RAP1GDS1: variants seen among roughly 807,000 people sequenced by gnomAD.
RAP1GDS1 encodes RAP1, GTP-GDP dissociation stimulator 1.
In RAP1GDS1, 35 loss-of-function variants were observed where a neutral mutation model predicts 71.1. The observed-to-expected ratio is 0.49, with a 90% CI of 0.38 to 0.65. The LOEUF (loss-of-function observed/expected upper bound fraction) is 0.65, where lower values mean the gene tolerates loss of function less well. Among genes scored for constraint, RAP1GDS1 ranks in the 30% least tolerant of loss-of-function variants. The pLI is 0.00. For missense variants in RAP1GDS1, 663 were observed against 706.1 expected, an observed-to-expected ratio of 0.94 and a Z score of 0.69; for synonymous variants, 229 against 243.1, an observed-to-expected ratio of 0.94 and a Z score of 0.54.
chr4:98,267,321 A>G lies in RAP1GDS1; in HGVS notation c.4+5752A>G, dbSNP rs961294667. Among the ~76,000 whole-genome samples, 4 of 152,084 alleles carry G rather than the reference A, an allele frequency of 2.6e-5. No homozygotes were observed. The South Asian group carries it at 6.2e-4, about 24-fold the overall frequency. On this transcript the variant is annotated intron_variant, in intron 1 of 14. Coordinates refer to ENST00000408927, the MANE Select transcript of RAP1GDS1 (RefSeq NM_001100427.2). Reference sequence around the variant, plus strand: ...TAGTTCCTTTTTTAAAATAATTTCAACTTTTAGTTTAGGTTCAGAGGGTAC... The same window carrying G: ...TAGTTCCTTTTTTAAAATAATTTCAGCTTTTAGTTTAGGTTCAGAGGGTAC...
intron 2 of RAP1GDS1, chr4:98,297,088 T>C (rs1727895139): frequency 6.0e-6 from 1 of 166,386 alleles, no homozygotes. Context: ...GAGAGTCACG[T>C]AATTGTTTAT....
chr4:98,423,695 C>G (rs1467812071), intron 12 of RAP1GDS1, among the ~76,000 whole-genome samples: 1 of 152,074 alleles, frequency 6.6e-6, no homozygotes. Context: ...CAGGCGTGCA[C>G]CACCATGCCC....
chr4:98,403,782 T>C (rs1745754606), intron 6 of RAP1GDS1, among the ~76,000 whole-genome samples: 1 of 152,054 alleles, frequency 6.6e-6, no homozygotes, highest in Non-Finnish European at 1.5e-5. Flanking sequence ...TTATAGGAGA[T>C]TGCTAAGTGT....
In RAP1GDS1 at chr4:98,319,263, A is replaced by G. The variant is rs1000577648; in HGVS notation, c.113-23876A>G. 3.3e-5 allele frequency among the ~76,000 whole-genome samples: 5 copies of G among 152,122 alleles called. No homozygotes were observed. In the East Asian group the frequency reaches 9.6e-4, roughly 29 times the overall value. On this transcript the variant is annotated intron_variant, in intron 2 of 14. Coordinates refer to ENST00000408927, the MANE Select transcript of RAP1GDS1 (RefSeq NM_001100427.2). ...GCATGAATCTAGTAACTTTCTTTTG[A>G]GTGGCTAACCTCTCAAAATTAATAG... is the stretch of plus-strand genomic sequence containing the variant.
At chr4:98,271,812 T>G (rs999625770) in intron 1 of RAP1GDS1, among the ~76,000 whole-genome samples, 2 of 152,186 alleles carry the variant, frequency 1.3e-5, no homozygotes, top group African/African-American at 4.8e-5. Flanking sequence ...TTTCAACAAT[T>G]CTATGAAGTA....
At chr4:98,334,155 T>G (rs886780131) in intron 2 of RAP1GDS1, among the ~76,000 whole-genome samples, 1 of 152,182 alleles carries the variant, frequency 6.6e-6, no homozygotes, top group Non-Finnish European at 1.5e-5. Context: ...TGAATAGAAT[T>G]CCTTAAGGGA....
chr4:98,299,579 C>T (rs1180348661), intron 2 of RAP1GDS1, among the ~76,000 whole-genome samples: 3 of 151,158 alleles, frequency 2.0e-5, no homozygotes, highest in Admixed American at 2.0e-4. Context: ...AAAACTTGGG[C>T]AGATGAGGAG....
At chr4:98,338,900 GTA>G (rs1172326914) in intron 2 of RAP1GDS1, among the ~76,000 whole-genome samples, 1 of 151,974 alleles carries the variant, frequency 6.6e-6, no homozygotes, top group Non-Finnish European at 1.5e-5. Flanking sequence ...TTCCCTCTTG[GTA>G]TTTAACTGTA....
At chr4:98,286,325 G>A (rs778644609) in intron 1 of RAP1GDS1, among the ~76,000 whole-genome samples, 4 of 151,492 alleles carry the variant, frequency 2.6e-5, no homozygotes, top group South Asian at 2.1e-4. Context: ...TAGGCCTGTC[G>A]CATCCAGACA....
intron 4 of RAP1GDS1, among the ~76,000 whole-genome samples, chr4:98,362,494 A>T (rs1330181328): frequency 1.3e-5 from 2 of 152,092 alleles, no homozygotes; most frequent in African/African-American, 4.8e-5. Flanking sequence ...CAACTAACAC[A>T]ATGTAGGTAT....
At chr4:98,419,514 A>G (rs962290606) in intron 10 of RAP1GDS1, among the ~76,000 whole-genome samples, 1 of 152,232 alleles carries the variant, frequency 6.6e-6, no homozygotes, top group Admixed American at 6.5e-5. Flanking sequence ...TGGAAAATAC[A>G]ACAAAAGATA....
intron 5 of RAP1GDS1, among the ~76,000 whole-genome samples, chr4:98,388,997 A>G (rs1213200296): frequency 6.6e-6 from 1 of 152,210 alleles, no homozygotes; most frequent in Non-Finnish European, 1.5e-5. Context: ...GCTGCAAAGA[A>G]TAGCAGTTTG....
chr4:98,418,639 G>T lies in RAP1GDS1; in HGVS notation c.1040-18G>T. On this transcript the variant is annotated intron_variant, in intron 9 of 14. Transcript: ENST00000408927. Reference sequence around the variant, plus strand: ...ATATTTTAAAGAGGAAGAAAAAGATGTGTGTTTTTTTTTTCAGATGCAAAT... The same window carrying T: ...ATATTTTAAAGAGGAAGAAAAAGATTTGTGTTTTTTTTTTCAGATGCAAAT... 1.9e-6 allele frequency: 3 copies of T among 1,576,686 alleles called. No homozygotes were observed. Among genetic ancestry groups the T allele is most frequent in the Non-Finnish European group, 2.6e-6 (3 of 1,165,412 alleles).
Position 98,404,575 on chromosome 4 carries a change from G to A in RAP1GDS1, c.736G>A (p.Glu246Lys). The A allele has an allele frequency of 6.2e-7, 1 of 1,603,660 alleles. No homozygotes were observed. The highest frequency in any genetic ancestry group is 8.5e-7 in the Non-Finnish European group (1 of 1,176,234). The change falls in exon 7 of 15, where the codon GAA (glutamate) becomes AAA (lysine). Residue 246 changes from glutamate (E) to lysine (K), a missense_variant. Glu to Lys is a moderately conservative substitution (Grantham distance 56). Coordinates refer to ENST00000408927, the MANE Select transcript of RAP1GDS1 (RefSeq NM_001100427.2). ...ACATGATAAGAGAGAAATGATTTTTGAAGTTCTTGCTCCATTGGCAGAAAA... is the reference window on the plus strand; with the variant it reads ...ACATGATAAGAGAGAAATGATTTTTAAAGTTCTTGCTCCATTGGCAGAAAA... The part of the protein sequence containing the change: ...IEHDKREMIF[E>K]VLAPLAENDA...
intron 1 of RAP1GDS1, among the ~76,000 whole-genome samples, chr4:98,291,421 C>G (rs553879096): frequency 6.6e-6 from 1 of 152,240 alleles, no homozygotes; most frequent in Non-Finnish European, 1.5e-5. Flanking sequence ...AATTTCAGTG[C>G]TTTTAAGGAA....
intron 6 of RAP1GDS1, among the ~76,000 whole-genome samples, chr4:98,403,811 A>C (rs1745759997): frequency 6.6e-6 from 1 of 152,108 alleles, no homozygotes; most frequent in Non-Finnish European, 1.5e-5. Flanking sequence ...GTAGGCCAAA[A>C]CTAGTAGATT....
Position 98,314,658 on chromosome 4 carries a change from A to C in RAP1GDS1, c.112+21143A>C, listed in dbSNP as rs184115182. 9.9e-5 allele frequency among the ~76,000 whole-genome samples: 15 copies of C among 152,264 alleles called. No homozygotes were observed. In the East Asian group the frequency reaches 2.9e-3, roughly 29 times the overall value. On this transcript the variant is annotated intron_variant, in intron 2 of 14. Coordinates refer to ENST00000408927, the MANE Select transcript of RAP1GDS1 (RefSeq NM_001100427.2). Reference sequence around the variant, plus strand: ...TAGCATTAATTGTGTACCACTATGCATTAGTTGGTAATCTTGCCCTGGAGA... The same window carrying C: ...TAGCATTAATTGTGTACCACTATGCCTTAGTTGGTAATCTTGCCCTGGAGA...
chr4:98,280,412 G>T (rs1158269757), intron 1 of RAP1GDS1, among the ~76,000 whole-genome samples: 1 of 152,140 alleles, frequency 6.6e-6, no homozygotes, highest in African/African-American at 2.4e-5. Flanking sequence ...GTCTTCTTTT[G>T]AGAAGTGTCT....
intron 14 of RAP1GDS1, among the ~76,000 whole-genome samples, chr4:98,438,543 T>C (rs1179131321): frequency 1.4e-5 from 2 of 147,714 alleles, no homozygotes; most frequent in East Asian, 3.9e-4. Flanking sequence ...TTAAACATTT[T>C]TTAATCATTT....
Sources: gnomAD v4.1 joint callset for allele counts (sites outside exome capture counted in the v4.1 genomes callset) on GRCh38, gnomAD v4.1.1 for gene constraint, MANE v1.5 for transcripts, NCBI Gene and HGNC (gene_info 2026-07-23, HGNC 2026-07-21) for gene names.